PCDH15: variants seen among roughly 807,000 people sequenced by gnomAD.
PCDH15 encodes protocadherin related 15.
A neutral mutation model predicts 178.5 loss-of-function variants in PCDH15; 129 were observed. That is an observed-to-expected ratio of 0.72 (90% CI 0.63 to 0.84). PCDH15 has a LOEUF of 0.84. PCDH15 is among the 40% of genes least tolerant of loss of function. The pLI is 0.00. For synonymous variants in PCDH15, 800 were observed against 732.0 expected, an observed-to-expected ratio of 1.09 and a Z score of -1.50; for missense variants, 2,230 against 2,099.9, an observed-to-expected ratio of 1.06 and a Z score of -1.21.
chr10:54,993,605 G>A (rs1839563996), intron 2 of PCDH15, among the ~76,000 whole-genome samples: 1 of 152,022 alleles, frequency 6.6e-6, no homozygotes, highest in Admixed American at 6.6e-5. Flanking sequence ...TTGAGTAGCT[G>A]ATGAATGAAC....
intron 16 of PCDH15, among the ~76,000 whole-genome samples, chr10:54,089,094 A>G (rs1013249022): frequency 1.3e-5 from 2 of 152,210 alleles, no homozygotes; most frequent in African/African-American, 2.4e-5. Context: ...TTTCCCAGGC[A>G]TTACTAACTC....
intron 1 of PCDH15, among the ~76,000 whole-genome samples, chr10:54,728,010 C>T (rs897010283): frequency 6.6e-6 from 1 of 151,276 alleles, no homozygotes; most frequent in Admixed American, 6.6e-5. Flanking sequence ...AGTGGCTTAA[C>T]AAAATCTGGT....
chr10:55,202,897 C>T (rs1175866276), intron 1 of PCDH15, among the ~76,000 whole-genome samples: 3 of 152,110 alleles, frequency 2.0e-5, no homozygotes, highest in African/African-American at 7.3e-5. Flanking sequence ...TGTGAGTTTC[C>T]TAAGGCCTCC....
At chr10:54,211,154 C>G (rs2051383076) in intron 10 of PCDH15, among the ~76,000 whole-genome samples, 1 of 152,056 alleles carries the variant, frequency 6.6e-6, no homozygotes, top group Non-Finnish European at 1.5e-5. Flanking sequence ...TACCAGAGTT[C>G]TTAAATGTGC....
intron 2 of PCDH15, among the ~76,000 whole-genome samples, chr10:54,920,418 G>T (rs1410277611): frequency 1.5e-5 from 2 of 132,154 alleles, no homozygotes; most frequent in African/African-American, 5.7e-5. Flanking sequence ...GCAGTGAGCC[G>T]AGATCGCGCC....
At chr10:54,821,503 T>C (rs961801394) in intron 3 of PCDH15, among the ~76,000 whole-genome samples, 1 of 152,106 alleles carries the variant, frequency 6.6e-6, no homozygotes, top group Non-Finnish European at 1.5e-5. Flanking sequence ...TTTTTAAAAG[T>C]TGGCACATAC....
At chr10:55,172,273 C>T (rs912792074) in intron 1 of PCDH15, among the ~76,000 whole-genome samples, 1 of 151,738 alleles carries the variant, frequency 6.6e-6, no homozygotes, top group African/African-American at 2.4e-5. Context: ...TATTTATTGG[C>T]ATTATTTCTT....
At chr10:54,478,366 C>T (rs1328467132) in intron 3 of PCDH15, among the ~76,000 whole-genome samples, 1 of 152,020 alleles carries the variant, frequency 6.6e-6, no homozygotes. Flanking sequence ...AACCAGTTAC[C>T]TAGCAAACTA....
chr10:55,057,576 G>A (rs1564755137), intron 2 of PCDH15, among the ~76,000 whole-genome samples: 3 of 152,152 alleles, frequency 2.0e-5, no homozygotes, highest in Non-Finnish European at 2.9e-5. Flanking sequence ...CATACAGAAA[G>A]CATGGTTGCA....
intron 28 of PCDH15, among the ~76,000 whole-genome samples, chr10:53,853,217 TAA>T (rs752144255): frequency 7.0e-6 from 1 of 142,174 alleles, no homozygotes. Flanking sequence ...TATCCATATG[TAA>T]AAAAAAAAAG....
At chr10:55,072,866 C>T (rs1348062087) in intron 2 of PCDH15, among the ~76,000 whole-genome samples, 3 of 150,448 alleles carry the variant, frequency 2.0e-5, no homozygotes, top group Non-Finnish European at 3.0e-5. Flanking sequence ...ACTGGCAAAC[C>T]GAATCCAGCA....
At chr10:54,072,994 C>T (rs1469914514) in intron 17 of PCDH15, among the ~76,000 whole-genome samples, 1 of 152,106 alleles carries the variant, frequency 6.6e-6, no homozygotes, top group Non-Finnish European at 1.5e-5. Context: ...ACCCAGATTA[C>T]ATCTATTCCC....
intron 2 of PCDH15, among the ~76,000 whole-genome samples, chr10:55,340,713 T>C (rs1467593024): frequency 6.6e-6 from 1 of 151,712 alleles, no homozygotes; most frequent in Non-Finnish European, 1.5e-5. Context: ...AGAGTGAAAA[T>C]ATTTTATATT....
chr10:55,111,785 GTGAGCCGAGA>G (rs1230285717), intron 2 of PCDH15, among the ~76,000 whole-genome samples: 1 of 152,166 alleles, frequency 6.6e-6, no homozygotes, highest in Non-Finnish European at 1.5e-5. Flanking sequence ...AGAGGGTGCA[GTGAGCCGAGA>G]TCATGCCATT....
chr10:53,808,853 C>A, intron 37 of PCDH15: 1 of 1,608,936 alleles, frequency 6.2e-7, no homozygotes, highest in South Asian at 1.1e-5. Flanking sequence ...TCCTCACTTT[C>A]CACACCTCCT....
At chr10:54,960,062 C>G (rs1320013579) in intron 2 of PCDH15, among the ~76,000 whole-genome samples, 1 of 152,024 alleles carries the variant, frequency 6.6e-6, no homozygotes, top group African/African-American at 2.4e-5. Flanking sequence ...GTCTTATGAC[C>G]TTTATTCTTC....
Position 55,155,148 on chromosome 10 carries a change from G to T in PCDH15, c.-80+11428C>A, listed in dbSNP as rs1838849153. The stretch of plus-strand genomic sequence containing the variant: ...ATTTTAGGAGGCAAACAATGAAATG[G>T]TCCAACATGATGAATGATAAAATGA... On this transcript the variant is annotated intron_variant, in intron 2 of 5. Transcript: ENST00000458638. 2.0e-5 allele frequency among the ~76,000 whole-genome samples: 3 copies of T among 152,038 alleles called. No individual in the cohort carries two copies. In the South Asian group the frequency reaches 6.2e-4, roughly 31 times the overall value.
At chr10:54,915,938 C>T (rs1192736013) in intron 2 of PCDH15, among the ~76,000 whole-genome samples, 1 of 152,146 alleles carries the variant, frequency 6.6e-6, no homozygotes, top group Non-Finnish European at 1.5e-5. Context: ...AAGCGATTCT[C>T]CTGCCTCAGC....
At chr10:54,695,479 C>T (rs2095208322) in intron 1 of PCDH15, among the ~76,000 whole-genome samples, 1 of 152,126 alleles carries the variant, frequency 6.6e-6, no homozygotes, top group East Asian at 1.9e-4. Flanking sequence ...AATGGGTAAG[C>T]TATAGCAACT....
Sources: gnomAD v4.1 joint callset for allele counts (sites outside exome capture counted in the v4.1 genomes callset) on GRCh38, gnomAD v4.1.1 for gene constraint, MANE v1.5 for transcripts, NCBI Gene and HGNC (gene_info 2026-07-23, HGNC 2026-07-21) for gene names.